The following SFSWAP variants were observed in gnomAD, a reference collection of about 807,000 sequenced individuals.
SFSWAP encodes splicing factor SWAP.
In SFSWAP, 17 loss-of-function variants were observed where a neutral mutation model predicts 100.7. The observed-to-expected ratio is 0.17, with a 90% CI of 0.12 to 0.25. The LOEUF is 0.25. SFSWAP is among the 10% of genes least tolerant of loss of function. The pLI is 1.00. For synonymous variants in SFSWAP, 504 were observed against 510.1 expected, an observed-to-expected ratio of 0.99 and a Z score of 0.16; for missense variants, 1,005 against 1,262.6, an observed-to-expected ratio of 0.80 and a Z score of 3.09.
At chr12:131,787,195 C>A (rs1051568426) in intron 15 of SFSWAP, among the ~76,000 whole-genome samples, 2 of 152,210 alleles carry the variant, frequency 1.3e-5, no homozygotes, top group African/African-American at 4.8e-5. Flanking sequence ...CTGGCAGGGC[C>A]TCTGACAGCC....
intron 13 of SFSWAP, among the ~76,000 whole-genome samples, chr12:131,770,748 A>G (rs550336635): frequency 1.3e-5 from 2 of 152,296 alleles, no homozygotes; most frequent in East Asian, 3.9e-4. Context: ...TTATGCTGGC[A>G]TTAAGTATAT....
intron 4 of SFSWAP, among the ~76,000 whole-genome samples, chr12:131,722,294 G>A (rs1290733119): frequency 2.0e-5 from 3 of 152,220 alleles, no homozygotes; most frequent in Admixed American, 2.0e-4. Context: ...GGGTACAGTG[G>A]CTCACACCTG....
intron 14 of SFSWAP, among the ~76,000 whole-genome samples, chr12:131,781,007 A>G (rs1018748487): frequency 8.5e-5 from 13 of 152,168 alleles, no homozygotes; most frequent in African/African-American, 2.7e-4. Flanking sequence ...CGTGGCCCCC[A>G]GCTTTTCCCA....
rs2136197334 is a variant in SFSWAP, at chr12:131,733,719, T to C, written c.1081+5291T>C. Among the ~76,000 whole-genome samples, 1 of 151,980 alleles carries C rather than the reference T, an allele frequency of 6.6e-6. No individual in the cohort carries two copies. Among genetic ancestry groups the C allele is most frequent in the Middle Eastern group, 3.4e-3 (1 of 294 alleles). On this transcript the variant is annotated intron_variant, in intron 7 of 17. Transcript: ENST00000261674. This position sits in a 1 kb window ranked among gnomAD's most constrained non-coding sequence, Gnocchi z 5.1. Reference sequence around the variant, plus strand: ...TCCCCTCAGGACAGGCACAGAGGACTCCACCCTGGAGTCACAGGCTTGGTG... The same window carrying C: ...TCCCCTCAGGACAGGCACAGAGGACCCCACCCTGGAGTCACAGGCTTGGTG...
At chr12:131,753,592 C>T (rs1015630462) in intron 8 of SFSWAP, 24 of 572,436 alleles carry the variant, frequency 4.2e-5, no homozygotes, top group Non-Finnish European at 7.2e-5. Context: ...AAGTTGAATT[C>T]ATTTCACGTC....
chr12:131,723,330 G>A (rs946324009), intron 4 of SFSWAP: 2 of 152,122 alleles, frequency 1.3e-5, no homozygotes, highest in Non-Finnish European at 2.9e-5. Flanking sequence ...CCCGCACTTT[G>A]TTTTCTAAGT....
chr12:131,771,429 G>A (rs1467378034), intron 13 of SFSWAP, among the ~76,000 whole-genome samples: 4 of 152,086 alleles, frequency 2.6e-5, no homozygotes, highest in Non-Finnish European at 5.9e-5. Context: ...GTGCACCCAC[G>A]GGGGAAATCC....
rs1444003953 is a variant in SFSWAP at position 131,714,658 on chromosome 12, A to C, written c.389-164A>C. 1.6e-6 allele frequency: 1 copy of C among 636,502 alleles called. No individual in the cohort carries two copies. The allele number at this position is 636,502 out of a possible 1,614,324, so 39.4% of individuals were successfully genotyped here. On this transcript the variant is annotated intron_variant, in intron 2 of 17. Coordinates refer to ENST00000261674, the MANE Select transcript of SFSWAP (RefSeq NM_004592.4). This position sits in a 1 kb window ranked among gnomAD's most constrained non-coding sequence, Gnocchi z 6.0. The stretch of plus-strand genomic sequence containing the variant: ...GGTAAACATGTACTGACAAAAGTAC[A>C]TAATGATAGATATAAAGTGTGAATT...
chr12:131,781,710 G>A (rs73481792), intron 14 of SFSWAP, among the ~76,000 whole-genome samples: 2,298 of 152,166 alleles, frequency 0.015, 66 homozygotes, highest in African/African-American at 0.053. Flanking sequence ...ACTTTACAGC[G>A]TCAGCAGAGC....
At chr12:131,751,286 TTTTG>T (rs1405424705) in intron 7 of SFSWAP, among the ~76,000 whole-genome samples, 1 of 152,192 alleles carries the variant, frequency 6.6e-6, no homozygotes, top group African/African-American at 2.4e-5. Flanking sequence ...AACCGTTTTG[TTTTG>T]TTTGTTTTTG....
intron 3 of SFSWAP, among the ~76,000 whole-genome samples, chr12:131,718,344 G>T (rs1415992582): frequency 6.6e-6 from 1 of 152,088 alleles, no homozygotes; most frequent in Non-Finnish European, 1.5e-5. Flanking sequence ...CATCTGTTTG[G>T]AAATAAGAAC....
intron 7 of SFSWAP, among the ~76,000 whole-genome samples, chr12:131,747,227 G>C (rs935501567): frequency 3.3e-5 from 5 of 152,108 alleles, no homozygotes; most frequent in African/African-American, 1.2e-4. Flanking sequence ...ACCTCCTTCT[G>C]CCATGGAGCT....
intron 13 of SFSWAP, among the ~76,000 whole-genome samples, chr12:131,774,095 C>T (rs552602771): frequency 6.6e-6 from 1 of 152,230 alleles, no homozygotes; most frequent in East Asian, 1.9e-4. Context: ...GGATGAGAGC[C>T]GCATTTCCGC....
Position 131,786,507 on chromosome 12 carries a change from G to C in SFSWAP, c.2453G>C (p.Arg818Thr). The C allele has an allele frequency of 1.3e-6, 2 of 1,586,736 alleles. No individual in the cohort carries two copies. The highest frequency in any genetic ancestry group is 1.1e-5 in the South Asian group (1 of 87,074). Reference protein sequence around the residue: ...SPRRRAHSPERRREERSVPTA... With the variant: ...SPRRRAHSPETRREERSVPTA... ...CGGAGGAGAGCCCACTCCCCTGAGAGACGGAGGGAAGAGAGGAGTGTGCCC... is the reference window on the plus strand; with the variant it reads ...CGGAGGAGAGCCCACTCCCCTGAGACACGGAGGGAAGAGAGGAGTGTGCCC... Residue 818 changes from arginine (R) to threonine (T), a missense_variant, in exon 15 of 18, where the codon AGA becomes ACA. Arg to Thr is a moderately conservative substitution (Grantham distance 71). This residue lies in a region of SFSWAP where 295 missense variants were observed against 347.9 expected (regional missense o/e 0.85). Coordinates refer to ENST00000261674, the MANE Select transcript of SFSWAP (RefSeq NM_004592.4).
intron 17 of SFSWAP, 76 bp downstream of exon 17, chr12:131,799,185 T>G: frequency 8.1e-7 from 1 of 1,232,886 alleles, no homozygotes; most frequent in Non-Finnish European, 1.2e-6. Context: ...CTAATTTTCA[T>G]TCCCTGTCCC....
At chr12:131,755,510 G>A (rs765394258) in intron 10 of SFSWAP, 31 bp downstream of exon 10, 1 of 1,506,082 alleles carries the variant, frequency 6.6e-7, no homozygotes, top group Non-Finnish European at 9.2e-7. Context: ...AGGCTGTGAA[G>A]CTCTTAGAGG....
chr12:131,738,856 A>G (rs907861510), intron 7 of SFSWAP, among the ~76,000 whole-genome samples: 1 of 105,864 alleles, frequency 9.4e-6, no homozygotes, highest in Admixed American at 1.0e-4. Flanking sequence ...AATTATTTCT[A>G]CTTTTCCAGT....
chr12:131,797,072 G>T, intron 15 of SFSWAP, 106 bp from the exon 16 acceptor site: 1 of 934,930 alleles, frequency 1.1e-6, no homozygotes. Context: ...CCTGAATTGT[G>T]CCTTGATGAA....
chr12:131,791,416 C>G (rs993756141), intron 15 of SFSWAP, among the ~76,000 whole-genome samples: 33 of 151,670 alleles, frequency 2.2e-4, no homozygotes, highest in African/African-American at 8.0e-4. Context: ...ACTTTTCCAC[C>G]AAACTCCAGT....
Sources: allele counts gnomAD v4.1 joint callset (sites outside exome capture counted in the v4.1 genomes callset), GRCh38; gene constraint gnomAD v4.1.1; regional missense constraint gnomAD v4.1.1; non-coding constraint Gnocchi (gnomAD v3.1); transcripts MANE v1.5; gene names NCBI Gene and HGNC (gene_info 2026-07-23, HGNC 2026-07-21).